The following LRP1B variants were observed in gnomAD, a reference collection of about 807,000 sequenced individuals.
LRP1B encodes the protein LDL receptor related protein 1B, also known as low-density lipoprotein receptor-related protein 1B.
A neutral mutation model predicts 556.6 loss-of-function variants in LRP1B; 217 were observed. That is an observed-to-expected ratio of 0.39 (90% CI 0.35 to 0.44). The LOEUF (loss-of-function observed/expected upper bound fraction) is 0.44. LRP1B is among the 20% of genes least tolerant of loss of function. The pLI, the probability that LRP1B is intolerant of heterozygous loss-of-function variation, is 1.00. For missense variants in LRP1B, 5,053 were observed against 5,620.8 expected, an observed-to-expected ratio of 0.90 and a Z score of 3.23; for synonymous variants, 2,047 against 1,865.8, an observed-to-expected ratio of 1.10 and a Z score of -2.50.
intron 1 of LRP1B, among the ~76,000 whole-genome samples, chr2:141,955,647 T>C (rs915990800): frequency 9.9e-5 from 15 of 152,206 alleles, no homozygotes; most frequent in East Asian, 1.9e-4. Flanking sequence ...GGCAAGAGAA[T>C]GAAGCTAGGT....
At chr2:141,763,895 A>AAT (rs5834865) in intron 2 of LRP1B, among the ~76,000 whole-genome samples, 146,611 of 152,220 alleles carry the variant, frequency 0.96, 70,865 homozygotes, top group East Asian at 1. Flanking sequence ...ATCCTGAAGG[A>AAT]AGAGAATAAT....
chr2:140,416,683 G>C (rs1473740908), intron 66 of LRP1B, among the ~76,000 whole-genome samples: 1 of 152,018 alleles, frequency 6.6e-6, no homozygotes. Flanking sequence ...TGAGTGGCAA[G>C]TAACAAGCTG....
At chr2:141,553,561 T>A (rs1247276713) in intron 2 of LRP1B, among the ~76,000 whole-genome samples, 2 of 150,852 alleles carry the variant, frequency 1.3e-5, no homozygotes, top group Non-Finnish European at 1.5e-5. Context: ...ATTTTAACAT[T>A]GCTTCACCAT....
chr2:141,347,775 G>T (rs983531644), intron 3 of LRP1B, among the ~76,000 whole-genome samples: 1 of 151,908 alleles, frequency 6.6e-6, no homozygotes, highest in Admixed American at 6.6e-5. Flanking sequence ...AAGTCTACTT[G>T]TATTTTTGGT....
intron 66 of LRP1B, among the ~76,000 whole-genome samples, chr2:140,442,083 A>T (rs1878742): frequency 0.32 from 48,531 of 151,932 alleles, 8,258 homozygotes; most frequent in African/African-American, 0.35. Context: ...TCACACTGTA[A>T]TGTATTAAAG....
chr2:140,721,716 T>C (rs1471731247), intron 35 of LRP1B, among the ~76,000 whole-genome samples: 2 of 103,514 alleles, frequency 1.9e-5, no homozygotes, highest in African/African-American at 7.1e-5. Flanking sequence ...CCCGGCTATT[T>C]TTTTTTTTTT....
chr2:140,270,628 A>G (rs1682417089), intron 85 of LRP1B, among the ~76,000 whole-genome samples: 1 of 151,952 alleles, frequency 6.6e-6, no homozygotes. Context: ...ATATACTCTA[A>G]TATCTATCAT....
intron 32 of LRP1B, among the ~76,000 whole-genome samples, chr2:140,794,953 G>C (rs1308182177): frequency 1.3e-5 from 2 of 151,970 alleles, no homozygotes; most frequent in African/African-American, 4.8e-5. Context: ...ATATTCTACT[G>C]TTCCTCTAAT....
At chr2:140,579,048 C>A (rs577073656) in intron 43 of LRP1B, among the ~76,000 whole-genome samples, 18 of 151,702 alleles carry the variant, frequency 1.2e-4, no homozygotes, top group African/African-American at 4.4e-4. Context: ...AACAGGGGAA[C>A]AAGGAGACAA....
chr2:141,814,546 G>A (rs1374871771), intron 1 of LRP1B, among the ~76,000 whole-genome samples: 1 of 152,154 alleles, frequency 6.6e-6, no homozygotes, highest in Non-Finnish European at 1.5e-5. Flanking sequence ...CATGTTGGTT[G>A]AATGGAATTT....
intron 35 of LRP1B, among the ~76,000 whole-genome samples, chr2:140,723,910 A>G (rs913263184): frequency 1.3e-5 from 2 of 152,142 alleles, no homozygotes; most frequent in African/African-American, 4.8e-5. Flanking sequence ...CAAGAAGGAG[A>G]ACAACAACAA....
At chr2:141,661,526 C>A (rs1690221331) in intron 2 of LRP1B, among the ~76,000 whole-genome samples, 1 of 152,104 alleles carries the variant, frequency 6.6e-6, no homozygotes, top group Non-Finnish European at 1.5e-5. Context: ...GAGAACTTCA[C>A]AATGCAACCA....
chr2:141,527,672 A>T (rs1684736048), intron 2 of LRP1B, among the ~76,000 whole-genome samples: 1 of 152,108 alleles, frequency 6.6e-6, no homozygotes, highest in Non-Finnish European at 1.5e-5. Context: ...TTACTTATCA[A>T]AGTAAAAAGA....
chr2:141,136,169 G>A (rs921713875), intron 7 of LRP1B, among the ~76,000 whole-genome samples: 16 of 151,930 alleles, frequency 1.1e-4, no homozygotes, highest in African/African-American at 1.4e-4. Flanking sequence ...AGCTGCATGC[G>A]TATGAATAGA....
intron 2 of LRP1B, among the ~76,000 whole-genome samples, chr2:141,655,570 T>A (rs1212133547): frequency 6.6e-6 from 1 of 152,198 alleles, no homozygotes; most frequent in African/African-American, 2.4e-5. Context: ...TGATAATTTA[T>A]TATTTATCAA....
intron 1 of LRP1B, among the ~76,000 whole-genome samples, chr2:141,890,665 T>C (rs1699264294): frequency 1.3e-5 from 2 of 151,946 alleles, no homozygotes; most frequent in Non-Finnish European, 2.9e-5. Context: ...CGACTATCAA[T>C]ACAGTTTGCT....
intron 2 of LRP1B, among the ~76,000 whole-genome samples, chr2:141,803,238 A>T (rs1696067967): frequency 6.7e-6 from 1 of 149,406 alleles, no homozygotes; most frequent in Non-Finnish European, 1.5e-5. Flanking sequence ...TTAATTGTAG[A>T]GGCAGACTCT....
chr2:141,957,376 G>C (rs1413754476), intron 1 of LRP1B, among the ~76,000 whole-genome samples: 1 of 72,338 alleles, frequency 1.4e-5, no homozygotes, highest in Non-Finnish European at 2.8e-5. Context: ...GTTCGTGTTT[G>C]TGTGTGTGGG....
intron 2 of LRP1B, among the ~76,000 whole-genome samples, chr2:141,530,702 CT>C (rs780945926): frequency 1.3e-5 from 2 of 152,056 alleles, no homozygotes; most frequent in South Asian, 4.1e-4. Flanking sequence ...AGAAAATGAT[CT>C]GCCTTAGGAG....
Sources: allele counts gnomAD v4.1 joint callset (sites outside exome capture counted in the v4.1 genomes callset), GRCh38; gene constraint gnomAD v4.1.1; transcripts MANE v1.5; gene names NCBI Gene and HGNC (gene_info 2026-07-23, HGNC 2026-07-21).